KDM4C: variants seen among roughly 807,000 people sequenced by gnomAD.
KDM4C encodes the protein lysine-specific demethylase 4C.
Under a neutral mutation model 129.3 loss-of-function variants are expected in KDM4C, and 81 were observed. The ratio of observed to expected loss-of-function variants is 0.63; its 90% CI spans 0.52 to 0.75. The LOEUF (loss-of-function observed/expected upper bound fraction) is 0.75. Ranked by LOEUF, KDM4C falls within the 30% of genes least tolerant of loss-of-function variation. The pLI is 0.00. For missense variants in KDM4C, 1,457 were observed against 1,304.0 expected (o/e 1.12, Z -1.81); for synonymous variants, 573 against 456.1 (o/e 1.26, Z -3.26).
chr9:6,934,442 C>T (rs1435218046), intron 8 of KDM4C, among the ~76,000 whole-genome samples: 2 of 150,320 alleles, frequency 1.3e-5, no homozygotes, highest in Admixed American at 6.6e-5. Context: ...ATCATGCCAC[C>T]GCACTCGAGA....
rs1014875851 is a variant in KDM4C, at chr9:6,817,083, C to A, written c.435+2338C>A. On this transcript the variant is annotated intron_variant, in intron 4 of 21. Coordinates refer to ENST00000381309, the MANE Select transcript of KDM4C (RefSeq NM_015061.6). Reference sequence around the variant, plus strand: ...TTTCTTAATTTATCAATTAAAGATGCATATTGAAGGATATATGATTGAAAT... The same window carrying A: ...TTTCTTAATTTATCAATTAAAGATGAATATTGAAGGATATATGATTGAAAT... Among the ~76,000 whole-genome samples the A allele has an allele frequency of 2.0e-5, 3 of 151,546 alleles. No homozygotes were observed. In the East Asian group the frequency reaches 5.8e-4, roughly 29 times the overall value.
At chr9:6,722,064 T>C (rs1816972306) in intron 1 of KDM4C, among the ~76,000 whole-genome samples, 1 of 152,186 alleles carries the variant, frequency 6.6e-6, no homozygotes, top group Admixed American at 6.6e-5. Flanking sequence ...AAATTTGTTT[T>C]TGTAGTTGTA....
chr9:6,861,451 C>A (rs938880222), intron 5 of KDM4C, among the ~76,000 whole-genome samples: 7 of 152,256 alleles, frequency 4.6e-5, no homozygotes, highest in African/African-American at 1.4e-4. Flanking sequence ...GTCATGCATC[C>A]TGTGTGATGC....
intron 21 of KDM4C, among the ~76,000 whole-genome samples, chr9:7,173,284 T>C (rs1264075982): frequency 6.6e-6 from 1 of 152,146 alleles, no homozygotes; most frequent in East Asian, 1.9e-4. Context: ...AATGAAACAG[T>C]GTGTCCAAAG....
chr9:7,086,186 C>A (rs1161186744), intron 17 of KDM4C, among the ~76,000 whole-genome samples: 1 of 152,094 alleles, frequency 6.6e-6, no homozygotes, highest in Non-Finnish European at 1.5e-5. Context: ...TATTCTTTTC[C>A]AGCATATTTG....
At chr9:6,964,243 C>A in intron 8 of KDM4C, among the ~76,000 whole-genome samples, 1 of 146,890 alleles carries the variant, frequency 6.8e-6, no homozygotes, top group East Asian at 2.1e-4. Context: ...TCCCCCCTCC[C>A]CTGACCCCCC....
rs769164998 is a variant in KDM4C, at chr9:6,887,960, G to GT, written c.686dup (p.Ser231LysfsTer7). On this transcript the variant is annotated frameshift_variant and splice_region_variant, in exon 7 of 22. Transcript: ENST00000381309. LOFTEE classifies it high-confidence loss of function. ...ACTTACATTTATTGTTTCTTTTTAGGTTTTTTCCCAAGCAGCTCCCAAGGG... is the reference window on the plus strand; with the variant it reads ...ACTTACATTTATTGTTTCTTTTTAGGTTTTTTTCCCAAGCAGCTCCCAAGGG... The GT allele has an allele frequency of 6.3e-7, 1 of 1,594,724 alleles. No homozygotes were observed. The highest frequency in any genetic ancestry group is 1.3e-5 in the African/African-American group (1 of 74,606).
In KDM4C at chr9:6,867,780, C is replaced by T. The variant is rs568767200; in HGVS notation, c.630-12232C>T. On this transcript the variant is annotated intron_variant, in intron 5 of 21. Coordinates refer to ENST00000381309, the MANE Select transcript of KDM4C (RefSeq NM_015061.6). ...ACATGTGAACTTGACAGAATGGCTT[C>T]TACTTATGAAACTTACTAACAGTTG... Among the ~76,000 whole-genome samples, 3 of 152,288 alleles carry T rather than the reference C, an allele frequency of 2.0e-5. No individual in the cohort carries two copies. The South Asian group carries it at 6.2e-4, about 32-fold the overall frequency.
At chr9:7,026,312 T>C (rs1214589444) in intron 15 of KDM4C, among the ~76,000 whole-genome samples, 1 of 152,142 alleles carries the variant, frequency 6.6e-6, no homozygotes, top group East Asian at 1.9e-4. Flanking sequence ...AAAGTCTTTT[T>C]TTCTCCTTTA....
intron 8 of KDM4C, among the ~76,000 whole-genome samples, chr9:6,915,490 A>G (rs1042086604): frequency 6.6e-6 from 1 of 152,242 alleles, no homozygotes; most frequent in African/African-American, 2.4e-5. Flanking sequence ...AAGAGATAAA[A>G]TGATTGTTAC....
intron 6 of KDM4C, among the ~76,000 whole-genome samples, chr9:6,882,088 T>C (rs527837242): frequency 2.0e-5 from 3 of 152,346 alleles, no homozygotes; most frequent in African/African-American, 4.8e-5. Flanking sequence ...CAAAAGACAT[T>C]AGGCCTGCAT....
intron 8 of KDM4C, among the ~76,000 whole-genome samples, chr9:6,954,400 C>T (rs1828709305): frequency 6.6e-6 from 1 of 151,994 alleles, no homozygotes; most frequent in Non-Finnish European, 1.5e-5. Flanking sequence ...ATTCCTGCAC[C>T]CATCAGCTCA....
intron 17 of KDM4C, among the ~76,000 whole-genome samples, chr9:7,074,933 G>T (rs1833720008): frequency 6.6e-6 from 1 of 152,110 alleles, no homozygotes; most frequent in South Asian, 2.1e-4. Context: ...AAGGTCTCAG[G>T]ATGTCTGACA....
intron 18 of KDM4C, among the ~76,000 whole-genome samples, chr9:7,124,762 C>T (rs1048907321): frequency 2.0e-5 from 3 of 152,074 alleles, no homozygotes; most frequent in African/African-American, 7.2e-5. Context: ...AGAAAATTTT[C>T]CCAAGCAACC....
At chr9:6,969,504 C>CT (rs1158328171) in intron 8 of KDM4C, among the ~76,000 whole-genome samples, 1 of 152,114 alleles carries the variant, frequency 6.6e-6, no homozygotes, top group African/African-American at 2.4e-5. Context: ...TGTAAACAGT[C>CT]TCTTTTGGCA....
intron 15 of KDM4C, among the ~76,000 whole-genome samples, 179 bp from the exon 16 acceptor site, chr9:7,046,683 C>T (rs749857856): frequency 3.9e-5 from 6 of 152,028 alleles, no homozygotes; most frequent in Non-Finnish European, 7.4e-5. Flanking sequence ...GGGTGTACCT[C>T]TACCATTTCC....
rs762246329 is a variant in KDM4C at position 6,758,338 on chromosome 9, C to T, written c.-18+135C>T. 2.2e-5 allele frequency: 9 copies of T among 416,556 alleles called. No homozygotes were observed. The highest frequency in any genetic ancestry group is 2.9e-5 in the Non-Finnish European group (9 of 309,742). The allele number at this position is 416,556 out of a possible 1,614,324, so 25.8% of individuals were successfully genotyped here. On this transcript the variant is annotated intron_variant, in intron 1 of 21. Transcript: ENST00000381309. The surrounding 1 kb of genome is among the most constrained non-coding windows in gnomAD (Gnocchi z 4.6). ...GCGGCGACGCTGGGGCAGAGACGCT[C>T]CGTCCGTGACTGCAGCGACTGTCAA...
intron 21 of KDM4C, among the ~76,000 whole-genome samples, chr9:7,173,754 G>A (rs563092362): frequency 3.3e-4 from 50 of 152,224 alleles, no homozygotes; most frequent in Non-Finnish European, 6.8e-4. Flanking sequence ...CAGCAATGAA[G>A]AAGGAAGGCT....
At chr9:6,948,197 T>A (rs932526494) in intron 8 of KDM4C, 1 of 152,220 alleles carries the variant, frequency 6.6e-6, no homozygotes, top group Non-Finnish European at 1.5e-5. Flanking sequence ...CTAACTGCAT[T>A]AAAGAACATT....
Sources: gnomAD v4.1 joint callset for allele counts (sites outside exome capture counted in the v4.1 genomes callset) on GRCh38, gnomAD v4.1.1 for gene constraint, Gnocchi (gnomAD v3.1) non-coding constraint, MANE v1.5 for transcripts, NCBI Gene and HGNC (gene_info 2026-07-23, HGNC 2026-07-21) for gene names.